PDC: variants seen among roughly 807,000 people sequenced by gnomAD.
PDC encodes the protein phosducin.
In PDC, 19 loss-of-function variants were observed where a neutral mutation model predicts 22.2. The ratio of observed to expected loss-of-function variants is 0.86; its 90% CI spans 0.60 to 1.26. The LOEUF is 1.26. PDC is among the 50% of genes most tolerant of loss of function. The probability of loss-of-function intolerance (pLI) is 0.00; values close to 1 mark genes in which losing one functional copy is unlikely to be tolerated. For missense variants in PDC, 274 were observed against 286.8 expected, an observed-to-expected ratio of 0.96 and a Z score of 0.32; for synonymous variants, 97 against 96.2, an observed-to-expected ratio of 1.01 and a Z score of -0.05.
chr1:186,444,553 C>T, intron 3 of PDC, 47 bp from the exon 4 acceptor site: 1 of 1,287,864 alleles, frequency 7.8e-7, no homozygotes, highest in Non-Finnish European at 1.1e-6. Flanking sequence ...AAGTTTTATT[C>T]CTTAGATATA....
In PDC at chr1:186,444,124, C is replaced by G. The variant is rs763416875; in HGVS notation, c.596G>C (p.Ser199Thr). 6.2e-7 allele frequency: 1 copy of G among 1,614,018 alleles called. No individual in the cohort carries two copies. The highest frequency in any genetic ancestry group is 2.2e-5 in the East Asian group (1 of 44,870). ...LLIYKGGELI[S>T]NFISVAEQFA... ...CTGTTCAGCAACACTAATAAAATTG[C>G]TTATGAGTTCCCCACCTTTATAGAT... Residue 199 changes from serine (S) to threonine (T), a missense_variant, in exon 4 of 4, where the codon AGC (serine) becomes ACC (threonine). By Grantham distance (58) the Ser-to-Thr change is moderately conservative (BLOSUM62 1). Coordinates refer to ENST00000391997, the MANE Select transcript of PDC (RefSeq NM_002597.5).
chr1:186,455,006 A>G (rs913668545), intron 1 of PDC, among the ~76,000 whole-genome samples: 33 of 152,114 alleles, frequency 2.2e-4, no homozygotes, highest in African/African-American at 8.0e-4. Context: ...ACTTTCTGCC[A>G]CTCTTCTATT....
rs1257649065 is a variant in PDC at position 186,449,389 on chromosome 1, C to A, written c.61+10G>T. 2 of 1,572,362 alleles carry A rather than the reference C, an allele frequency of 1.3e-6. No individual in the cohort carries two copies. The highest frequency in any genetic ancestry group is 2.2e-5 in the East Asian group (1 of 44,508). ...ATTTAATAATTATTTTTTCTTCTAG[C>A]TTTGCTTGCCTGTATGTGTGGCCTG... On this transcript the variant is annotated intron_variant, in intron 2 of 3. Coordinates refer to ENST00000391997, the MANE Select transcript of PDC (RefSeq NM_002597.5).
chr1:186,455,957 G>A (rs1191537448), intron 1 of PDC, among the ~76,000 whole-genome samples: 75 of 104,258 alleles, frequency 7.2e-4, no homozygotes, highest in African/African-American at 3.0e-3. Flanking sequence ...GGGCAACAGA[G>A]CGCGACTCCG....
chr1:186,459,868 T>A (rs1409417863), intron 1 of PDC, among the ~76,000 whole-genome samples: 6 of 148,656 alleles, frequency 4.0e-5, no homozygotes, highest in South Asian at 2.1e-4. Flanking sequence ...ATTTTCATGA[T>A]GCAAACTGTA....
rs1334038006 is a variant in PDC, at chr1:186,444,139, C to T, written c.581G>A (p.Gly194Asp). The change falls in exon 4 of 4, where the codon GGT (glycine) becomes GAT (aspartate). Residue 194 changes from glycine to aspartate, a missense_variant. Physicochemically the swap from Gly to Asp is moderately conservative, Grantham distance 94 (BLOSUM62 -1). Transcript: ENST00000391997. ...AATAAAATTGCTTATGAGTTCCCCA[C>T]CTTTATAGATGAGCAGTGTAGGAAG... ...DVLPTLLIYK[G>D]GELISNFISV... 1 of 1,613,986 alleles carries T rather than the reference C, an allele frequency of 6.2e-7. No individual in the cohort carries two copies. The highest frequency in any genetic ancestry group is 8.5e-7 in the Non-Finnish European group (1 of 1,179,904).
In PDC at chr1:186,455,994, AATATATAT is replaced by A. The variant is rs71104863; in HGVS notation, c.-25+5057_-25+5064del. On this transcript the variant is annotated intron_variant, in intron 1 of 3. Transcript: ENST00000391997. ...CTCAAAAAAAAAAAAAAAAAAAAAA[AATATATAT>A]ATATATATATATATATATATATATG... is the stretch of plus-strand genomic sequence containing the variant. Among the ~76,000 whole-genome samples, 119 of 77,062 alleles carry A rather than the reference AATATATAT, an allele frequency of 1.5e-3. 1 individual carries two copies. The highest frequency in any genetic ancestry group is 7.6e-3 in the East Asian group (19 of 2,514). The allele number at this position is 77,062 out of a possible 152,430, so 50.6% of individuals were successfully genotyped here. A position where few individuals can be genotyped will look rare whatever the true frequency, so the allele number is the denominator to read the frequency against.
chr1:186,454,600 C>G (rs1662420173), intron 1 of PDC, among the ~76,000 whole-genome samples: 1 of 152,182 alleles, frequency 6.6e-6, no homozygotes, highest in Admixed American at 6.5e-5. Context: ...AGTCCTGCAT[C>G]TCTAGGTCAT....
Position 186,443,872 on chromosome 1 carries a change from T to G in PDC, c.*107A>C. On this transcript the variant is annotated 3_prime_UTR_variant, in exon 4 of 4. Transcript: ENST00000391997. Reference sequence around the variant, plus strand: ...GTTGCATCAGTCATTTTTGTCAAGTTAGCATAGCCGTGCCCATACTCTGTG... The same window carrying G: ...GTTGCATCAGTCATTTTTGTCAAGTGAGCATAGCCGTGCCCATACTCTGTG... The G allele has an allele frequency of 1.3e-6, 1 of 779,674 alleles. No individual in the cohort carries two copies. The highest frequency in any genetic ancestry group is 1.7e-5 in the South Asian group (1 of 57,326). The allele number at this position is 779,674 out of a possible 1,614,324, so 48.3% of individuals were successfully genotyped here.
In PDC at chr1:186,446,570, T is replaced by G. The variant is rs1166335109; in HGVS notation, c.69A>C (p.Lys23Asn). ...ACTTTCTCCAATCATTTATTACTCC[T>G]TTGGGTCCTGGAATGAAATTAAAAA... Reference protein sequence around the residue: ...FEGQATHTGPKGVINDWRKFK... With the variant: ...FEGQATHTGPNGVINDWRKFK... The change falls in exon 3 of 4, where the codon AAA (lysine) becomes AAC (asparagine). Residue 23 changes from lysine (K) to asparagine (N), a missense_variant. Transcript: ENST00000391997. 1 of 1,546,278 alleles carries G rather than the reference T, an allele frequency of 6.5e-7. No individual in the cohort carries two copies. Among genetic ancestry groups the G allele is most frequent in the Non-Finnish European group, 8.9e-7 (1 of 1,129,574 alleles).
intron 3 of PDC, among the ~76,000 whole-genome samples, chr1:186,446,102 T>C (rs1240897206): frequency 6.6e-6 from 1 of 152,234 alleles, no homozygotes; most frequent in African/African-American, 2.4e-5. Context: ...TAGTTTTACA[T>C]TTATTTTTTC....
intron 1 of PDC, among the ~76,000 whole-genome samples, chr1:186,452,892 A>T (rs981571346): frequency 1.3e-5 from 2 of 152,318 alleles, no homozygotes; most frequent in East Asian, 1.9e-4. Flanking sequence ...TATTTTCCAC[A>T]TCACATAATT....
At chr1:186,449,849 C>T (rs143965707) in intron 1 of PDC, among the ~76,000 whole-genome samples, 70 of 151,812 alleles carry the variant, frequency 4.6e-4, no homozygotes, top group Non-Finnish European at 8.7e-4. Flanking sequence ...GAATATATGA[C>T]GTAATATATG....
At chr1:186,456,365 T>C (rs1662472720) in intron 1 of PDC, among the ~76,000 whole-genome samples, 1 of 152,154 alleles carries the variant, frequency 6.6e-6, no homozygotes, top group South Asian at 2.1e-4. Context: ...GTAGAAACAA[T>C]AGATTTTATT....
At position 186,461,064 on chromosome 1, in the gene PDC, G is replaced by A. The variant is rs1030462937; in HGVS notation, c.-30C>T. 5.2e-5 allele frequency: 8 copies of A among 154,734 alleles called. No individual in the cohort carries two copies. Among genetic ancestry groups the A allele is most frequent in the Admixed American group, 3.9e-4 (6 of 15,282 alleles). The allele number at this position is 154,734 out of a possible 1,614,324, so 9.6% of individuals were successfully genotyped here. On this transcript the variant is annotated 5_prime_UTR_variant, in exon 1 of 4. Coordinates refer to ENST00000391997, the MANE Select transcript of PDC (RefSeq NM_002597.5). ...AGGACTACTTGTGGACTCACAGTTT[G>A]GATCTCTGTGCCTGGTGTCCTTGTT...
chr1:186,456,276 GT>G (rs1662470867), intron 1 of PDC, among the ~76,000 whole-genome samples: 1 of 151,826 alleles, frequency 6.6e-6, no homozygotes, highest in South Asian at 2.1e-4. Context: ...CACATGCAAT[GT>G]TTTCCACACA....
chr1:186,445,221 T>G (rs1341876454), intron 3 of PDC, among the ~76,000 whole-genome samples: 1 of 152,182 alleles, frequency 6.6e-6, no homozygotes, highest in African/African-American at 2.4e-5. Context: ...CATAGTGTGA[T>G]TAATAGATGT....
At chr1:186,457,066 C>T (rs1432071814) in intron 1 of PDC, among the ~76,000 whole-genome samples, 1 of 152,190 alleles carries the variant, frequency 6.6e-6, no homozygotes, top group Non-Finnish European at 1.5e-5. Flanking sequence ...TTCTCTACCT[C>T]TAACCATACA....
rs373650112 is a variant in PDC, at chr1:186,444,092, C to T, written c.628G>A (p.Glu210Lys). The T allele has an allele frequency of 3.0e-5, 48 of 1,613,862 alleles. No homozygotes were observed. The highest frequency in any genetic ancestry group is 3.9e-5 in the Non-Finnish European group (46 of 1,179,898). Residue 210 changes from glutamate to lysine, a missense_variant, in exon 4 of 4, where the codon GAA (glutamate) becomes AAA (lysine). Glu to Lys is a moderately conservative substitution (Grantham distance 56). Coordinates refer to ENST00000391997, the MANE Select transcript of PDC (RefSeq NM_002597.5). ...NFISVAEQFA[E>K]EFFAGDVESF... Reference sequence around the variant, plus strand: ...TCCACATCCCCAGCAAAAAATTCTTCAGCAAACTGTTCAGCAACACTAATA... The same window carrying T: ...TCCACATCCCCAGCAAAAAATTCTTTAGCAAACTGTTCAGCAACACTAATA...
Sources: gnomAD v4.1 joint callset for allele counts (sites outside exome capture counted in the v4.1 genomes callset) on GRCh38, gnomAD v4.1.1 for gene constraint, MANE v1.5 for transcripts, NCBI Gene and HGNC (gene_info 2026-07-23, HGNC 2026-07-21) for gene names.